Variants in SORL1 observed in about 807,000 individuals in gnomAD.
SORL1 encodes sortilin related receptor 1, also known as sortilin-related receptor.
A neutral mutation model predicts 273.7 loss-of-function variants in SORL1; 127 were observed. The observed-to-expected ratio is 0.46, with a 90% CI of 0.40 to 0.54. The LOEUF (loss-of-function observed/expected upper bound fraction) is 0.54. Ranked by LOEUF, SORL1 falls within the 20% of genes least tolerant of loss-of-function variation. The pLI is 0.00. For synonymous variants in SORL1, 1,031 were observed against 1,067.4 expected (o/e 0.97, Z 0.66); for missense variants, 2,494 against 2,846.1 (o/e 0.88, Z 2.81).
At chr11:121,490,671 G>T (rs1861539075) in intron 5 of SORL1, among the ~76,000 whole-genome samples, 1 of 149,096 alleles carries the variant, frequency 6.7e-6, no homozygotes, top group Non-Finnish European at 1.5e-5. Context: ...AACCTGGGAG[G>T]CAGAGGTTGC....
chr11:121,535,931 C>T (rs992675570), intron 12 of SORL1, among the ~76,000 whole-genome samples: 7 of 152,166 alleles, frequency 4.6e-5, no homozygotes, highest in African/African-American at 7.2e-5. Flanking sequence ...GCCCGCTGCT[C>T]CTGTGAACCT....
intron 5 of SORL1, among the ~76,000 whole-genome samples, chr11:121,492,126 C>T (rs1490608986): frequency 2.6e-5 from 4 of 152,046 alleles, no homozygotes; most frequent in Admixed American, 6.6e-5. Flanking sequence ...CTTGGGAGGC[C>T]GAGGTGGGTG....
At chr11:121,478,019 T>G (rs1861304016) in intron 2 of SORL1, 99 bp from the exon 3 acceptor site, 1 of 1,320,852 alleles carries the variant, frequency 7.6e-7, no homozygotes. Context: ...GCAAAAAGAG[T>G]GAAACTCAGT....
In SORL1 at chr11:121,467,030, CTTTTTTTT is replaced by C. The variant is rs58596501; in HGVS notation, c.286-2967_286-2960del. Among the ~76,000 whole-genome samples, 768 of 125,298 alleles carry C rather than the reference CTTTTTTTT, an allele frequency of 6.1e-3. 9 individuals carry two copies. The highest frequency in any genetic ancestry group is 0.022 in the African/African-American group (715 of 32,510). 82.2% of individuals were successfully genotyped at this position (125,298 alleles called of 152,430 possible). A position where few individuals can be genotyped will look rare whatever the true frequency, so the allele number is the denominator to read the frequency against. Reference sequence around the variant, plus strand: ...TGCCTTCTAGAGGTTTTCTTTTTTTCTTTTTTTTTTTTTTTTTGAGGTGGAGTCTCGCT... The same window carrying C: ...TGCCTTCTAGAGGTTTTCTTTTTTTCTTTTTTTTTGAGGTGGAGTCTCGCT... On this transcript the variant is annotated intron_variant, in intron 1 of 47. Coordinates refer to ENST00000260197, the MANE Select transcript of SORL1 (RefSeq NM_003105.6).
intron 4 of SORL1, among the ~76,000 whole-genome samples, chr11:121,489,384 C>A (rs1861518633): frequency 6.6e-6 from 1 of 152,132 alleles, no homozygotes; most frequent in Non-Finnish European, 1.5e-5. Flanking sequence ...TGAAATAATA[C>A]CTCTCTGCCC....
chr11:121,494,799 A>G (rs1020977792), intron 5 of SORL1, among the ~76,000 whole-genome samples: 17 of 152,166 alleles, frequency 1.1e-4, no homozygotes, highest in Non-Finnish European at 2.4e-4. Context: ...CTGGGTCTCA[A>G]AATAGCTCAA....
intron 12 of SORL1, among the ~76,000 whole-genome samples, chr11:121,536,296 G>A (rs1015725222): frequency 3.9e-5 from 6 of 152,112 alleles, no homozygotes; most frequent in African/African-American, 1.4e-4. Context: ...GGGAGGCAGT[G>A]GTTAATGTCT....
chr11:121,610,282 G>A (rs755824994), intron 38 of SORL1: 1 of 152,198 alleles, frequency 6.6e-6, no homozygotes, highest in Non-Finnish European at 1.5e-5. Context: ...TCAGCCATCT[G>A]GTGGGAAGAC....
At chr11:121,551,123 A>G (rs1862502221) in intron 16 of SORL1, among the ~76,000 whole-genome samples, 1 of 152,204 alleles carries the variant, frequency 6.6e-6, no homozygotes, top group Admixed American at 6.5e-5. Flanking sequence ...TGTACTTTTT[A>G]TGTGTTGCCA....
intron 5 of SORL1, among the ~76,000 whole-genome samples, chr11:121,493,710 A>T (rs1239042589): frequency 1.3e-5 from 2 of 152,082 alleles, no homozygotes. Context: ...TTGTTTTTAG[A>T]CTTTTACTTG....
At chr11:121,508,110 C>T (rs1352392192) in intron 6 of SORL1, among the ~76,000 whole-genome samples, 4 of 152,208 alleles carry the variant, frequency 2.6e-5, no homozygotes, top group African/African-American at 9.6e-5. Context: ...CACTAAGTCT[C>T]TCAGCCTTTG....
chr11:121,546,755 G>T (rs2134891363), intron 14 of SORL1: 1 of 152,324 alleles, frequency 6.6e-6, no homozygotes, highest in South Asian at 2.1e-4. Flanking sequence ...AATGAACGTG[G>T]CTGTGATCCA....
At position 121,607,275 on chromosome 11, in the gene SORL1, T is replaced by C. The variant is rs1445879421; in HGVS notation, c.5151T>C (p.Thr1717=). ...AAATCAAGAACTTATTGGTCAACACTCTATACACCGTCAGAGTGAGTGTCG... is the reference window on the plus strand; with the variant it reads ...AAATCAAGAACTTATTGGTCAACACCCTATACACCGTCAGAGTGAGTGTCG... ...FTEIKNLLVN[T]LYTVRVAAVT... Residue 1717 remains threonine, a synonymous_variant, in exon 37 of 48, where the codon ACT becomes ACC. Transcript: ENST00000260197. 3.1e-6 allele frequency: 5 copies of C among 1,592,722 alleles called. No individual in the cohort carries two copies. In the South Asian group the frequency reaches 3.3e-5, roughly 11 times the overall value.
chr11:121,555,450 T>G (rs1439636953), intron 18 of SORL1, 132 bp downstream of exon 18: 2 of 1,152,476 alleles, frequency 1.7e-6, no homozygotes, highest in African/African-American at 3.1e-5. Context: ...TTCCAGAGAA[T>G]GGACCAGCTG....
intron 23 of SORL1, among the ~76,000 whole-genome samples, chr11:121,572,164 C>T (rs1452619627): frequency 1.3e-5 from 2 of 152,196 alleles, no homozygotes; most frequent in African/African-American, 4.8e-5. Context: ...CAGAGCATTC[C>T]TCCTTGTGCC....
chr11:121,616,791 A>G (rs1030157461), intron 41 of SORL1, among the ~76,000 whole-genome samples: 4 of 152,244 alleles, frequency 2.6e-5, no homozygotes, highest in African/African-American at 9.6e-5. Flanking sequence ...TTCTGAGCCA[A>G]ATAGGAGTGA....
chr11:121,595,846 T>G lies in SORL1; in HGVS notation c.4519+74T>G. ...GCACAGTTCTGGTGCTTCTGCTTCA[T>G]TTCTGGATCAGCACACGCCTGTGTG... On this transcript the variant is annotated intron_variant, in intron 32 of 47. Coordinates refer to ENST00000260197, the MANE Select transcript of SORL1 (RefSeq NM_003105.6). The surrounding 1 kb of genome is among the most constrained non-coding windows in gnomAD (Gnocchi z 5.1). 1 of 1,509,384 alleles carries G rather than the reference T, an allele frequency of 6.6e-7. No individual in the cohort carries two copies. Among genetic ancestry groups the G allele is most frequent in the Non-Finnish European group, 9.0e-7 (1 of 1,108,182 alleles). The allele number at this position is 1,509,384 out of a possible 1,614,324, so 93.5% of individuals were successfully genotyped here.
intron 5 of SORL1, among the ~76,000 whole-genome samples, chr11:121,495,091 T>A (rs2134820628): frequency 6.6e-6 from 1 of 152,300 alleles, no homozygotes; most frequent in African/African-American, 2.4e-5. Context: ...CTCTTTTTTC[T>A]TTGTTTTTTC....
chr11:121,612,871 G>A lies in SORL1; in HGVS notation c.5419+39G>A. The A allele has an allele frequency of 2.1e-6, 3 of 1,455,060 alleles. No homozygotes were observed. The South Asian group carries it at 3.5e-5, about 17-fold the overall frequency. The allele number at this position is 1,455,060 out of a possible 1,614,324, so 90.1% of individuals were successfully genotyped here. On this transcript the variant is annotated intron_variant, in intron 40 of 47. Coordinates refer to ENST00000260197, the MANE Select transcript of SORL1 (RefSeq NM_003105.6). ...GCTGGTCAGTGTGTGTGCAGGAAGG[G>A]GTAAGGCTGGACCAATGCTTTCCCG...
Sources: allele counts gnomAD v4.1 joint callset (sites outside exome capture counted in the v4.1 genomes callset), GRCh38; gene constraint gnomAD v4.1.1; non-coding constraint Gnocchi (gnomAD v3.1); transcripts MANE v1.5; gene names NCBI Gene and HGNC (gene_info 2026-07-23, HGNC 2026-07-21).